The following COL21A1 variants were observed in gnomAD, a reference collection of about 807,000 sequenced individuals.
COL21A1 encodes collagen alpha-1(XXI) chain.
In COL21A1, 149 loss-of-function variants were observed where a neutral mutation model predicts 137.9. The ratio of observed to expected loss-of-function variants is 1.08; its 90% CI spans 0.95 to 1.24. The LOEUF is 1.24. Among genes scored for constraint, COL21A1 ranks in the 50% most tolerant of loss-of-function variants. The probability of loss-of-function intolerance (pLI) is 0.00; values close to 1 mark genes in which losing one functional copy is unlikely to be tolerated. For synonymous variants in COL21A1, 456 were observed against 391.5 expected (o/e 1.16, Z -1.95); for missense variants, 1,167 against 1,158.4 (o/e 1.01, Z -0.11).
At chr6:56,304,902 GA>G (rs1460676359) in intron 1 of COL21A1, among the ~76,000 whole-genome samples, 2 of 152,080 alleles carry the variant, frequency 1.3e-5, no homozygotes, top group African/African-American at 4.8e-5. Flanking sequence ...ACACTGCTTT[GA>G]ATGTGTCCCA....
chr6:56,097,154 G>C (rs1490650854), intron 17 of COL21A1, among the ~76,000 whole-genome samples: 1 of 152,120 alleles, frequency 6.6e-6, no homozygotes, highest in African/African-American at 2.4e-5. Flanking sequence ...TCCTGGCATA[G>C]GAAACTTGGC....
At chr6:56,186,000 G>A (rs2840994) in intron 1 of COL21A1, among the ~76,000 whole-genome samples, 113,064 of 151,526 alleles carry the variant, frequency 0.75, 42,757 homozygotes, top group East Asian at 0.86. Flanking sequence ...TAATTAAAAA[G>A]AAAACCTAGA....
chr6:56,278,753 G>A (rs1763727233), intron 1 of COL21A1, among the ~76,000 whole-genome samples: 1 of 152,174 alleles, frequency 6.6e-6, no homozygotes, highest in Admixed American at 6.5e-5. Flanking sequence ...CCGATTGGTG[G>A]TGAATGATTG....
chr6:56,131,152 A>G (rs1406243102), intron 12 of COL21A1, among the ~76,000 whole-genome samples: 4 of 152,040 alleles, frequency 2.6e-5, no homozygotes, highest in Non-Finnish European at 4.4e-5. Context: ...ATGAAAAACA[A>G]TTACTGAAGG....
Position 56,057,419 on chromosome 6 carries a change from A to C in COL21A1, c.*238T>G. On this transcript the variant is annotated 3_prime_UTR_variant, in exon 30 of 30. Coordinates refer to ENST00000244728, the MANE Select transcript of COL21A1 (RefSeq NM_030820.4). Reference sequence around the variant, plus strand: ...ATTCAACTTTGATTAACATAAATGGACTTTACAAGAAACCCTTGAGATTTA... The same window carrying C: ...ATTCAACTTTGATTAACATAAATGGCCTTTACAAGAAACCCTTGAGATTTA... 1 of 479,590 alleles carries C rather than the reference A, an allele frequency of 2.1e-6. No individual in the cohort carries two copies. The highest frequency in any genetic ancestry group is 3.6e-6 in the Non-Finnish European group (1 of 275,384). The allele number at this position is 479,590 out of a possible 1,614,324, so 29.7% of individuals were successfully genotyped here.
rs1254234643 is a variant in COL21A1, at chr6:56,166,997, C to A, written c.1201-14G>T. Reference sequence around the variant, plus strand: ...TTGGACATCAAACTAAGAACATAAACCCAGTAGAATTAAAGTTGAGGCACA... The same window carrying A: ...TTGGACATCAAACTAAGAACATAAAACCAGTAGAATTAAAGTTGAGGCACA... On this transcript the variant is annotated splice_polypyrimidine_tract_variant and intron_variant, in intron 6 of 29. Coordinates refer to ENST00000244728, the MANE Select transcript of COL21A1 (RefSeq NM_030820.4). 5.6e-6 allele frequency: 9 copies of A among 1,599,798 alleles called. No homozygotes were observed. The highest frequency in any genetic ancestry group is 5.1e-6 in the Non-Finnish European group (6 of 1,170,562).
intron 1 of COL21A1, among the ~76,000 whole-genome samples, chr6:56,304,492 T>C (rs1301246153): frequency 1.3e-5 from 2 of 152,394 alleles, no homozygotes; most frequent in African/African-American, 4.8e-5. Context: ...TTTATCCATT[T>C]CTTCTAGATT....
chr6:56,143,993 A>T (rs750779424), intron 10 of COL21A1, among the ~76,000 whole-genome samples: 5 of 152,182 alleles, frequency 3.3e-5, no homozygotes, highest in Admixed American at 6.5e-5. Context: ...TGTTCTCAGG[A>T]TTACTCAAAA....
At chr6:56,084,417 G>A (rs1562168808) in intron 17 of COL21A1, among the ~76,000 whole-genome samples, 1 of 151,822 alleles carries the variant, frequency 6.6e-6, no homozygotes. Flanking sequence ...TAAAGAAAAA[G>A]TCCAGACATA....
intron 1 of COL21A1, among the ~76,000 whole-genome samples, chr6:56,376,724 G>A (rs942614926): frequency 6.6e-6 from 1 of 151,948 alleles, no homozygotes; most frequent in African/African-American, 2.4e-5. Flanking sequence ...TTGATGTGAA[G>A]TGTTGAAATA....
intron 23 of COL21A1, among the ~76,000 whole-genome samples, chr6:56,067,074 G>C (rs950041908): frequency 4.7e-5 from 7 of 149,982 alleles, no homozygotes. Context: ...TCTTTATTTT[G>C]TTGAATCATT....
At chr6:56,355,892 C>G (rs1164899375) in intron 1 of COL21A1, among the ~76,000 whole-genome samples, 2 of 152,124 alleles carry the variant, frequency 1.3e-5, no homozygotes, top group Non-Finnish European at 2.9e-5. Flanking sequence ...AGAAAAAGAA[C>G]TCATTACTCT....
intron 1 of COL21A1, among the ~76,000 whole-genome samples, chr6:56,262,248 T>C (rs1763296170): frequency 6.6e-6 from 1 of 152,226 alleles, no homozygotes; most frequent in Non-Finnish European, 1.5e-5. Flanking sequence ...TTCTTTGAAA[T>C]TCTTAAATAA....
chr6:56,370,433 C>A (rs775518609), intron 1 of COL21A1, among the ~76,000 whole-genome samples: 3 of 152,214 alleles, frequency 2.0e-5, no homozygotes, highest in Non-Finnish European at 4.4e-5. Context: ...CAGCTAAATA[C>A]AGGTGGTGTT....
At chr6:56,234,626 T>A (rs4140574) in intron 1 of COL21A1, among the ~76,000 whole-genome samples, 88,402 of 151,406 alleles carry the variant, frequency 0.58, 26,291 homozygotes, top group East Asian at 0.77. Flanking sequence ...ATACAAAAAA[T>A]TTGCACTTTC....
intron 1 of COL21A1, among the ~76,000 whole-genome samples, chr6:56,226,408 C>T (rs1781198568): frequency 6.6e-6 from 1 of 152,018 alleles, no homozygotes; most frequent in African/African-American, 2.4e-5. Flanking sequence ...TGTCCCTCTT[C>T]CTCATAATCC....
intron 21 of COL21A1, among the ~76,000 whole-genome samples, chr6:56,070,226 C>T (rs1766624574): frequency 6.6e-6 from 1 of 151,438 alleles, no homozygotes; most frequent in Non-Finnish European, 1.5e-5. Flanking sequence ...GAAAAGGAGG[C>T]TTTATTCTCT....
At chr6:56,136,164 AT>A in intron 12 of COL21A1, among the ~76,000 whole-genome samples, 1 of 152,176 alleles carries the variant, frequency 6.6e-6, no homozygotes, top group East Asian at 1.9e-4. Context: ...CATGATCTAG[AT>A]GGTGAAATAT....
At chr6:56,124,214 AAG>A in intron 15 of COL21A1, 23 bp downstream of exon 15, 1 of 1,577,684 alleles carries the variant, frequency 6.3e-7, no homozygotes. Context: ...GCAAAATACT[AAG>A]AGCTTTTTTC....
Sources: allele counts gnomAD v4.1 joint callset (sites outside exome capture counted in the v4.1 genomes callset), GRCh38; gene constraint gnomAD v4.1.1; transcripts MANE v1.5; gene names NCBI Gene and HGNC (gene_info 2026-07-23, HGNC 2026-07-21).